Variants in GLMN observed in about 807,000 individuals in gnomAD.
The protein encoded by GLMN is glomulin.
Under a neutral mutation model 87.8 loss-of-function variants are expected in GLMN, and 75 were observed. The observed-to-expected ratio is 0.85, with a 90% CI of 0.71 to 1.04. GLMN has a LOEUF of 1.04. GLMN is among the 50% of genes least tolerant of loss of function. The pLI, the probability that GLMN is intolerant of heterozygous loss-of-function variation, is 0.00. For missense variants in GLMN, 588 were observed against 658.8 expected (o/e 0.89, Z 1.18); for synonymous variants, 206 against 221.6 (o/e 0.93, Z 0.63).
the GLMN span, among the ~76,000 whole-genome samples, chr1:92,351,115 T>C: frequency 2.0e-5 from 3 of 151,928 alleles, no homozygotes; most frequent in Non-Finnish European, 2.9e-5. Context: ...AAGACCATCC[T>C]GGCCAACATG....
At chr1:92,301,250 GA>G (rs1172667307), upstream of GLMN, among the ~76,000 whole-genome samples, 1 of 152,218 alleles carries the variant, frequency 6.6e-6, no homozygotes, top group Non-Finnish European at 1.5e-5. Context: ...TTGGGAGGCT[GA>G]GGTGGGAGTG....
intron 7 of GLMN, among the ~76,000 whole-genome samples, chr1:92,281,739 G>A (rs1648082603): frequency 6.6e-6 from 1 of 151,612 alleles, no homozygotes; most frequent in African/African-American, 2.4e-5. Flanking sequence ...CACATGCAAA[G>A]ATGCACATGG....
chr1:92,292,696 T>C (rs1279848563), intron 3 of GLMN, among the ~76,000 whole-genome samples: 1 of 148,210 alleles, frequency 6.7e-6, no homozygotes, highest in African/African-American at 2.5e-5. Flanking sequence ...GTGCTGGGAT[T>C]ACAGGCGTGA....
At chr1:92,269,191 C>T (rs573426939) in intron 9 of GLMN, among the ~76,000 whole-genome samples, 6 of 149,946 alleles carry the variant, frequency 4.0e-5, no homozygotes, top group East Asian at 1.9e-4. Context: ...CGTGAGCCAC[C>T]GTGCCTGGCT....
the GLMN span, among the ~76,000 whole-genome samples, chr1:92,328,016 GA>G: frequency 6.6e-6 from 1 of 152,212 alleles, no homozygotes; most frequent in African/African-American, 2.4e-5. Flanking sequence ...TTTCTGCTGA[GA>G]AATCTGCTGT....
At chr1:92,369,779 T>A in the GLMN span, among the ~76,000 whole-genome samples, 1 of 152,180 alleles carries the variant, frequency 6.6e-6, no homozygotes, top group Non-Finnish European at 1.5e-5. Flanking sequence ...AAGAGGAGCC[T>A]GGGGAGTCAA....
At chr1:92,353,695 T>C in the GLMN span, among the ~76,000 whole-genome samples, 1 of 152,206 alleles carries the variant, frequency 6.6e-6, no homozygotes, top group Non-Finnish European at 1.5e-5. Flanking sequence ...ACCTTTGTCA[T>C]TGTGAAGTTT....
At chr1:92,305,823 C>A in the GLMN span, among the ~76,000 whole-genome samples, 1 of 152,144 alleles carries the variant, frequency 6.6e-6, no homozygotes, top group African/African-American at 2.4e-5. Context: ...GTTAGGAAAT[C>A]TTTTTGCAAC....
chr1:92,334,049 G>GT, the GLMN span, among the ~76,000 whole-genome samples: 13 of 151,470 alleles, frequency 8.6e-5, no homozygotes, highest in South Asian at 6.3e-4. Context: ...GAACTTGAAG[G>GT]TTTTTTTTTC....
the GLMN span, among the ~76,000 whole-genome samples, chr1:92,337,136 T>C: frequency 6.6e-6 from 1 of 152,178 alleles, no homozygotes; most frequent in South Asian, 2.1e-4. Context: ...CTGTGGCTGA[T>C]GTTGCACTGA....
chr1:92,311,398 T>G, the GLMN span, among the ~76,000 whole-genome samples: 13 of 152,230 alleles, frequency 8.5e-5, no homozygotes, highest in Admixed American at 4.6e-4. Flanking sequence ...CTAGAGAAAC[T>G]TATACTACCT....
the GLMN span, among the ~76,000 whole-genome samples, chr1:92,317,167 T>C: frequency 2.0e-5 from 3 of 151,632 alleles, no homozygotes; most frequent in Admixed American, 2.0e-4. Flanking sequence ...CTATGTGATC[T>C]TAGGAAGTCA....
intron 7 of GLMN, among the ~76,000 whole-genome samples, chr1:92,284,543 T>C (rs1648497313): frequency 6.6e-6 from 1 of 152,170 alleles, no homozygotes; most frequent in Non-Finnish European, 1.5e-5. Context: ...GGCAATACCA[T>C]TCAGGACATA....
At chr1:92,290,393 C>A (rs1649270469) in intron 4 of GLMN, 87 bp from the exon 5 acceptor site, 1 of 775,670 alleles carries the variant, frequency 1.3e-6, no homozygotes, top group Non-Finnish European at 2.3e-6. Flanking sequence ...CATGTATCGA[C>A]AAAATATTAT....
chr1:92,274,174 C>G (rs1483011749), intron 7 of GLMN, among the ~76,000 whole-genome samples: 1 of 152,170 alleles, frequency 6.6e-6, no homozygotes, highest in Non-Finnish European at 1.5e-5. Context: ...TTTCTACTTG[C>G]AATGTTCCTT....
At chr1:92,310,134 T>C in the GLMN span, among the ~76,000 whole-genome samples, 2 of 152,220 alleles carry the variant, frequency 1.3e-5, no homozygotes, top group Non-Finnish European at 2.9e-5. Flanking sequence ...ATCTGCCTCA[T>C]TGTATAGCAT....
chr1:92,253,685 G>A (rs972846694), intron 16 of GLMN, among the ~76,000 whole-genome samples: 3 of 152,190 alleles, frequency 2.0e-5, no homozygotes, highest in Non-Finnish European at 2.9e-5. Flanking sequence ...GGGCCTGACT[G>A]TTAGAAGGAA....
chr1:92,294,276 C>A (rs564688528), intron 3 of GLMN, among the ~76,000 whole-genome samples: 1 of 152,188 alleles, frequency 6.6e-6, no homozygotes, highest in African/African-American at 2.4e-5. Context: ...AAAATCTGAT[C>A]TAGGAAGAAG....
chr1:92,264,681 G>T, intron 13 of GLMN, 43 bp from the exon 14 acceptor site: 2 of 1,022,888 alleles, frequency 2.0e-6, no homozygotes, highest in Non-Finnish European at 3.1e-6. Flanking sequence ...ATCCTGGACA[G>T]CATTAGAATT....
Sources: allele counts gnomAD v4.1 joint callset (sites outside exome capture counted in the v4.1 genomes callset), GRCh38; gene constraint gnomAD v4.1.1; transcripts MANE v1.5; gene names NCBI Gene and HGNC (gene_info 2026-07-23, HGNC 2026-07-21).